MTUS2: variants seen among roughly 807,000 people sequenced by gnomAD.
The protein encoded by MTUS2 is microtubule-associated tumor suppressor candidate 2.
A neutral mutation model predicts 114.1 loss-of-function variants in MTUS2; 40 were observed. The observed-to-expected ratio is 0.35, with a 90% confidence interval of 0.27 to 0.46. The LOEUF (loss-of-function observed/expected upper bound fraction) is 0.46, where lower values mean the gene tolerates loss of function less well. Ranked by LOEUF, MTUS2 falls within the 20% of genes least tolerant of loss-of-function variation. The probability of loss-of-function intolerance (pLI) is 1.00; values close to 1 mark genes in which losing one functional copy is unlikely to be tolerated. For synonymous variants in MTUS2, 688 were observed against 672.0 expected, an observed-to-expected ratio of 1.02 and a Z score of -0.37; for missense variants, 1,679 against 1,705.4, an observed-to-expected ratio of 0.98 and a Z score of 0.27.
At chr13:29,448,128 A>G (rs75861628) in intron 9 of MTUS2, among the ~76,000 whole-genome samples, 2,041 of 152,210 alleles carry the variant, frequency 0.013, 34 homozygotes, top group Non-Finnish European at 0.018. Flanking sequence ...TCACATTGTG[A>G]CTGCCTTATT....
chr13:29,420,467 AG>A (rs1876008501), intron 8 of MTUS2, among the ~76,000 whole-genome samples: 2 of 151,866 alleles, frequency 1.3e-5, no homozygotes, highest in African/African-American at 4.8e-5. Context: ...TAGTAGAGAG[AG>A]GGTTTCACCA....
chr13:28,928,663 C>A (rs958038290), intron 2 of MTUS2, among the ~76,000 whole-genome samples: 1 of 152,136 alleles, frequency 6.6e-6, no homozygotes, highest in Admixed American at 6.5e-5. Flanking sequence ...CTATGGAAAA[C>A]AGTGTGGCAG....
intron 1 of MTUS2, among the ~76,000 whole-genome samples, chr13:28,830,195 A>C (rs1260569650): frequency 6.6e-6 from 1 of 152,212 alleles, no homozygotes; most frequent in Non-Finnish European, 1.5e-5. Flanking sequence ...TGCAGAGTGG[A>C]ATCTTATTTC....
At chr13:28,995,740 C>G (rs966608597) in intron 2 of MTUS2, among the ~76,000 whole-genome samples, 1 of 152,008 alleles carries the variant, frequency 6.6e-6, no homozygotes, top group Non-Finnish European at 1.5e-5. Flanking sequence ...TTTTGCACAT[C>G]GATTTTGTAT....
intron 1 of MTUS2, among the ~76,000 whole-genome samples, chr13:28,831,244 C>T (rs886918842): frequency 6.6e-5 from 10 of 152,018 alleles, no homozygotes; most frequent in African/African-American, 1.4e-4. Flanking sequence ...AGACATCAGA[C>T]GTAACACAAC....
intron 5 of MTUS2, among the ~76,000 whole-genome samples, chr13:29,211,889 C>T (rs1007615347): frequency 6.6e-6 from 1 of 152,004 alleles, no homozygotes; most frequent in Admixed American, 6.6e-5. Context: ...GTTCTTGGAG[C>T]CAAAGTTCAC....
At chr13:29,155,601 T>A (rs1892825414) in intron 5 of MTUS2, among the ~76,000 whole-genome samples, 1 of 152,160 alleles carries the variant, frequency 6.6e-6, no homozygotes, top group Non-Finnish European at 1.5e-5. Flanking sequence ...ACCCCAGTAT[T>A]CAGTCTGTAA....
chr13:29,145,444 C>T (rs1240510413), intron 5 of MTUS2, among the ~76,000 whole-genome samples: 19 of 152,006 alleles, frequency 1.2e-4, no homozygotes, highest in Admixed American at 6.6e-4. Flanking sequence ...TGCTCAAACC[C>T]GGGAGATGGA....
intron 5 of MTUS2, among the ~76,000 whole-genome samples, chr13:29,253,830 AAG>A (rs10571940): frequency 0.2 from 31,065 of 151,682 alleles, 5,709 homozygotes; most frequent in East Asian, 0.52. Context: ...GCAGCAGGCA[AAG>A]AGAGAGAGAG....
chr13:29,088,158 A>G (rs1889781682), intron 4 of MTUS2, among the ~76,000 whole-genome samples: 1 of 151,836 alleles, frequency 6.6e-6, no homozygotes. Flanking sequence ...TGTGTCCCAG[A>G]GATTCTGGTA....
chr13:29,275,488 T>C (rs1397291427), intron 5 of MTUS2, among the ~76,000 whole-genome samples: 1 of 152,182 alleles, frequency 6.6e-6, no homozygotes, highest in African/African-American at 2.4e-5. Context: ...TTTGTACCCA[T>C]TAACCATCCC....
intron 7 of MTUS2, among the ~76,000 whole-genome samples, chr13:29,355,573 G>T (rs762166247): frequency 1.9e-4 from 29 of 152,212 alleles, no homozygotes; most frequent in Non-Finnish European, 2.8e-4. Flanking sequence ...CAGGACAATG[G>T]ATTGCCTGAG....
At chr13:28,970,272 C>A (rs576536909) in intron 2 of MTUS2, among the ~76,000 whole-genome samples, 1 of 152,074 alleles carries the variant, frequency 6.6e-6, no homozygotes, top group African/African-American at 2.4e-5. Flanking sequence ...TTTATATGTA[C>A]AAATGTAGAA....
intron 5 of MTUS2, among the ~76,000 whole-genome samples, chr13:29,131,577 G>T (rs1228692498): frequency 6.6e-6 from 1 of 152,244 alleles, no homozygotes; most frequent in African/African-American, 2.4e-5. Flanking sequence ...TTTCCACAAG[G>T]AAACAGGACA....
intron 4 of MTUS2, among the ~76,000 whole-genome samples, chr13:29,082,917 G>T (rs1364282823): frequency 6.6e-6 from 1 of 152,158 alleles, no homozygotes; most frequent in African/African-American, 2.4e-5. Context: ...ATAGTGAGGA[G>T]TCTCTGAGGG....
chr13:28,887,664 C>T (rs577637915), intron 2 of MTUS2, among the ~76,000 whole-genome samples: 1 of 152,290 alleles, frequency 6.6e-6, no homozygotes. Flanking sequence ...CAGGCATGTG[C>T]CAAGGTGGGA....
intron 8 of MTUS2, among the ~76,000 whole-genome samples, chr13:29,361,080 G>C (rs1411756056): frequency 6.6e-6 from 1 of 152,072 alleles, no homozygotes; most frequent in South Asian, 2.1e-4. Context: ...CCAAAATTAG[G>C]GGTCAGTTCC....
Position 29,492,719 on chromosome 13 carries a change from G to A in MTUS2, c.3579G>A (p.Gln1193=). The part of the protein sequence containing the change: ...ENFEKLRLSL[Q]DQVDTLTFQS... ...TTGAAAAACTGCGGCTGTCATTGCA[G>A]GTTAGTATTTCTTTAATTTTCTTAC... Residue 1193 remains glutamine (Q), a splice_region_variant and synonymous_variant, in exon 12 of 16, where the codon CAG becomes CAA. Transcript: ENST00000612955. 2.5e-6 allele frequency: 4 copies of A among 1,611,442 alleles called. No individual in the cohort carries two copies. The highest frequency in any genetic ancestry group is 1.1e-5 in the South Asian group (1 of 91,002).
At chr13:29,419,856 C>T (rs958145937) in intron 8 of MTUS2, among the ~76,000 whole-genome samples, 2 of 152,150 alleles carry the variant, frequency 1.3e-5, no homozygotes, top group Non-Finnish European at 2.9e-5. Flanking sequence ...TTAGGAGCAA[C>T]CAGCCAACAT....
Sources: allele counts gnomAD v4.1 joint callset (sites outside exome capture counted in the v4.1 genomes callset), GRCh38; gene constraint gnomAD v4.1.1; transcripts MANE v1.5; gene names NCBI Gene and HGNC (gene_info 2026-07-23, HGNC 2026-07-21).